Variants in GRIK4 observed in about 807,000 individuals in gnomAD.
GRIK4 encodes the protein glutamate ionotropic receptor kainate type subunit 4, also known as glutamate receptor ionotropic, kainate 4.
Under a neutral mutation model 104.9 loss-of-function variants are expected in GRIK4, and 40 were observed. The observed-to-expected ratio is 0.38, with a 90% CI of 0.30 to 0.50. The LOEUF is 0.50. Among genes scored for constraint, GRIK4 ranks in the 20% least tolerant of loss-of-function variants. The pLI is 0.93. For synonymous variants in GRIK4, 485 were observed against 524.9 expected (o/e 0.92, Z 1.04); for missense variants, 1,047 against 1,308.1 (o/e 0.80, Z 3.08).
In GRIK4 at chr11:120,517,256, T is replaced by A. The variant is rs1046655459; in HGVS notation, c.-159+5369T>A. On this transcript the variant is annotated intron_variant, in intron 1 of 20. Transcript: ENST00000527524. ...GTCCCATTTAAGGGACCTCAACTCATGTTTAACAGACACTTGTTACAGAGA... is the reference window on the plus strand; with the variant it reads ...GTCCCATTTAAGGGACCTCAACTCAAGTTTAACAGACACTTGTTACAGAGA... Among the ~76,000 whole-genome samples, 11 of 149,204 alleles carry A rather than the reference T, an allele frequency of 7.4e-5. 1 individual carries two copies. The highest frequency in any genetic ancestry group is 1.5e-4 in the Non-Finnish European group (10 of 67,550).
intron 6 of GRIK4, among the ~76,000 whole-genome samples, chr11:120,830,608 G>A (rs1017122111): frequency 3.3e-5 from 5 of 152,028 alleles, no homozygotes; most frequent in Non-Finnish European, 5.9e-5. Flanking sequence ...CCTTTCCCTC[G>A]CCATCCCAGT....
intron 1 of GRIK4, among the ~76,000 whole-genome samples, chr11:120,566,459 G>T (rs1458641563): frequency 6.6e-6 from 1 of 152,138 alleles, no homozygotes; most frequent in African/African-American, 2.4e-5. Flanking sequence ...CTAATCTACG[G>T]ACGAAGTTGG....
intron 8 of GRIK4, among the ~76,000 whole-genome samples, chr11:120,860,329 C>T (rs895534416): frequency 1.3e-5 from 2 of 152,176 alleles, no homozygotes; most frequent in South Asian, 4.1e-4. Flanking sequence ...TTTCGCTGTA[C>T]AGGGCCCAGG....
intron 3 of GRIK4, among the ~76,000 whole-genome samples, chr11:120,762,486 G>A (rs1201430307): frequency 6.6e-6 from 1 of 152,194 alleles, no homozygotes; most frequent in Non-Finnish European, 1.5e-5. Flanking sequence ...GTGTTGAATA[G>A]GAGTGGTGAG....
At chr11:120,792,577 T>C (rs2135494197) in intron 3 of GRIK4, among the ~76,000 whole-genome samples, 1 of 152,096 alleles carries the variant, frequency 6.6e-6, no homozygotes, top group Admixed American at 6.5e-5. Context: ...AGGGTGGTGG[T>C]GTTAAGACTG....
intron 3 of GRIK4, among the ~76,000 whole-genome samples, chr11:120,720,633 T>G (rs1950915288): frequency 6.6e-6 from 1 of 151,898 alleles, no homozygotes; most frequent in Non-Finnish European, 1.5e-5. Context: ...TCAGAGAAAT[T>G]TGGGAGGGGA....
intron 1 of GRIK4, chr11:120,576,624 T>G (rs1948487927): frequency 6.6e-6 from 1 of 152,302 alleles, no homozygotes; most frequent in African/African-American, 2.4e-5. Flanking sequence ...GAATGTGTAG[T>G]GTTTAATGCA....
At chr11:120,624,575 C>G (rs1400538852) in intron 1 of GRIK4, among the ~76,000 whole-genome samples, 1 of 152,192 alleles carries the variant, frequency 6.6e-6, no homozygotes, top group African/African-American at 2.4e-5. Flanking sequence ...CCAGAGTCAG[C>G]TGGCACCGAG....
At chr11:120,899,883 A>T (rs1382072151) in intron 12 of GRIK4, among the ~76,000 whole-genome samples, 1 of 152,208 alleles carries the variant, frequency 6.6e-6, no homozygotes, top group African/African-American at 2.4e-5. Flanking sequence ...CCTCAGCCTT[A>T]TCATTGCTAA....
intron 3 of GRIK4, among the ~76,000 whole-genome samples, chr11:120,754,554 C>T (rs1405221928): frequency 2.6e-5 from 4 of 152,086 alleles, no homozygotes; most frequent in Non-Finnish European, 5.9e-5. Flanking sequence ...TGTGAACATT[C>T]ATGTATATGT....
chr11:120,681,885 G>C (rs1196349820), intron 3 of GRIK4, among the ~76,000 whole-genome samples: 1 of 152,192 alleles, frequency 6.6e-6, no homozygotes, highest in Non-Finnish European at 1.5e-5. Context: ...AAGTGCTCCG[G>C]GTAAAGGCTC....
intron 3 of GRIK4, among the ~76,000 whole-genome samples, chr11:120,743,123 G>A (rs968545414): frequency 2.0e-5 from 3 of 151,962 alleles, no homozygotes; most frequent in East Asian, 1.9e-4. Flanking sequence ...CCAGCTACTC[G>A]GGAGGCTGAG....
intron 4 of GRIK4, among the ~76,000 whole-genome samples, chr11:120,805,819 CTA>C (rs1417713596): frequency 1.3e-5 from 2 of 152,058 alleles, no homozygotes; most frequent in African/African-American, 4.8e-5. Flanking sequence ...GGGGCAGTGA[CTA>C]TATTTGGGGA....
intron 5 of GRIK4, among the ~76,000 whole-genome samples, chr11:120,818,174 G>A (rs1340860394): frequency 1.3e-5 from 2 of 152,210 alleles, no homozygotes; most frequent in African/African-American, 4.8e-5. Flanking sequence ...ACTAGGGGGT[G>A]CTAAGGGGTT....
In GRIK4 at chr11:120,903,042, T is replaced by G. The variant is rs7109138; in HGVS notation, c.1273-2248T>G. Among the ~76,000 whole-genome samples, 11,479 of 152,118 alleles carry G rather than the reference T, an allele frequency of 0.075. 1,470 individuals are homozygous for G. The highest frequency in any genetic ancestry group is 0.26 in the African/African-American group (10,858 of 41,404). The stretch of plus-strand genomic sequence containing the variant: ...CCCTCACAGTCCCTCCATGACCTTG[T>G]GTCTGTCTGGCCCTCCATCTTCCCC... On this transcript the variant is annotated intron_variant, in intron 12 of 20. Coordinates refer to ENST00000527524, the MANE Select transcript of GRIK4 (RefSeq NM_014619.5). The surrounding 1 kb of genome is among the most constrained non-coding windows in gnomAD (Gnocchi z 4.4).
chr11:120,797,700 G>C (rs1398508312), intron 3 of GRIK4, among the ~76,000 whole-genome samples: 1 of 152,206 alleles, frequency 6.6e-6, no homozygotes, highest in East Asian at 1.9e-4. Context: ...AATCGCACGG[G>C]GGTTGGGAGG....
At chr11:120,827,729 A>G (rs1231169968) in intron 6 of GRIK4, among the ~76,000 whole-genome samples, 1 of 152,250 alleles carries the variant, frequency 6.6e-6, no homozygotes, top group Admixed American at 6.5e-5. Context: ...GATTCATAAA[A>G]TTAGAGGATC....
intron 1 of GRIK4, among the ~76,000 whole-genome samples, chr11:120,550,778 T>C (rs759810127): frequency 4.6e-5 from 7 of 151,574 alleles, no homozygotes; most frequent in African/African-American, 1.7e-4. Flanking sequence ...ACTGGTGACC[T>C]GGATAAGAAG....
At chr11:120,929,405 G>A (rs904503331) in intron 13 of GRIK4, among the ~76,000 whole-genome samples, 6 of 152,092 alleles carry the variant, frequency 3.9e-5, no homozygotes, top group South Asian at 2.1e-4. Context: ...CCTGCAGCTC[G>A]GTGACCCCAG....
Sources: gnomAD v4.1 joint callset for allele counts (sites outside exome capture counted in the v4.1 genomes callset) on GRCh38, gnomAD v4.1.1 for gene constraint, Gnocchi (gnomAD v3.1) non-coding constraint, MANE v1.5 for transcripts, NCBI Gene and HGNC (gene_info 2026-07-23, HGNC 2026-07-21) for gene names.